TTC28: variants seen among roughly 807,000 people sequenced by gnomAD.
The protein encoded by TTC28 is tetratricopeptide repeat protein 28.
Under a neutral mutation model 198.0 loss-of-function variants are expected in TTC28, and 61 were observed. The ratio of observed to expected loss-of-function variants is 0.31; its 90% CI spans 0.25 to 0.38. The LOEUF (loss-of-function observed/expected upper bound fraction) is 0.38, where lower values mean the gene tolerates loss of function less well. TTC28 is among the 10% of genes least tolerant of loss of function. The probability of loss-of-function intolerance (pLI) is 1.00; values close to 1 mark genes in which losing one functional copy is unlikely to be tolerated. For synonymous variants in TTC28, 1,171 were observed against 1,297.8 expected (o/e 0.90, Z 2.10); for missense variants, 2,678 against 3,164.0 (o/e 0.85, Z 3.69).
chr22:28,466,997 C>A (rs2048031031), intron 2 of TTC28, among the ~76,000 whole-genome samples: 2 of 152,006 alleles, frequency 1.3e-5, no homozygotes, highest in South Asian at 4.1e-4. Context: ...GAATTAGAAC[C>A]CCCATCCAAA....
chr22:28,456,670 GA>G (rs1199990384), intron 2 of TTC28, among the ~76,000 whole-genome samples: 4 of 152,262 alleles, frequency 2.6e-5, no homozygotes, highest in Admixed American at 6.5e-5. Context: ...CCACCCCCAG[GA>G]TTCAAGCGAT....
chr22:28,346,447 G>GCTAA (rs2145919780), intron 2 of TTC28, among the ~76,000 whole-genome samples: 1 of 152,274 alleles, frequency 6.6e-6, no homozygotes, highest in African/African-American at 2.4e-5. Context: ...AATTCCGAAA[G>GCTAA]CTAAGACAGG....
intron 8 of TTC28, among the ~76,000 whole-genome samples, chr22:28,103,698 C>T (rs1458615614): frequency 6.6e-6 from 1 of 152,066 alleles, no homozygotes; most frequent in Non-Finnish European, 1.5e-5. Flanking sequence ...TAGATCTCTG[C>T]AAGACTTAAA....
At chr22:28,441,260 T>TTA (rs2047616973) in intron 2 of TTC28, among the ~76,000 whole-genome samples, 2 of 152,224 alleles carry the variant, frequency 1.3e-5, no homozygotes, top group South Asian at 4.1e-4. Flanking sequence ...TTTATGAATG[T>TTA]AGAGTTTGCA....
chr22:28,461,475 C>T (rs2047949734), intron 2 of TTC28, among the ~76,000 whole-genome samples: 1 of 151,946 alleles, frequency 6.6e-6, no homozygotes, highest in African/African-American at 2.4e-5. Context: ...CTCACTCTGC[C>T]GCCCAGGCTG....
chr22:28,329,527 A>C (rs1049942841), intron 2 of TTC28, among the ~76,000 whole-genome samples: 8 of 152,310 alleles, frequency 5.3e-5, no homozygotes, highest in African/African-American at 1.9e-4. Context: ...TTTATTTTAC[A>C]AAAATAAGGT....
At chr22:28,225,739 A>G (rs543264050) in intron 5 of TTC28, among the ~76,000 whole-genome samples, 16 of 152,296 alleles carry the variant, frequency 1.1e-4, no homozygotes, top group South Asian at 1.0e-3. Flanking sequence ...TATCCCATCC[A>G]CCAACCAAAA....
chr22:28,540,884 T>C (rs1039564139), intron 2 of TTC28, among the ~76,000 whole-genome samples: 3 of 152,164 alleles, frequency 2.0e-5, no homozygotes, highest in East Asian at 1.9e-4. Context: ...ACAGGTAAAA[T>C]TGAATCTTTC....
chr22:28,017,276 A>G (rs1938413178), intron 13 of TTC28, among the ~76,000 whole-genome samples: 2 of 152,226 alleles, frequency 1.3e-5, no homozygotes, highest in African/African-American at 4.8e-5. Context: ...TGAGTGCCAG[A>G]GGCATCTAAG....
At chr22:28,103,703 C>T (rs1381563265) in intron 8 of TTC28, among the ~76,000 whole-genome samples, 1 of 152,122 alleles carries the variant, frequency 6.6e-6, no homozygotes, top group Non-Finnish European at 1.5e-5. Context: ...CTCTGCAAGA[C>T]TTAAAAAATT....
intron 2 of TTC28, among the ~76,000 whole-genome samples, chr22:28,382,689 T>C (rs757745886): frequency 6.6e-6 from 1 of 152,086 alleles, no homozygotes; most frequent in Non-Finnish European, 1.5e-5. Flanking sequence ...CTAGACCAAA[T>C]TGACATCCAA....
Position 28,108,165 on chromosome 22 carries a change from A to G in TTC28, c.1680T>C (p.Leu560=), listed in dbSNP as rs1942378673. The G allele has an allele frequency of 1.3e-6, 2 of 1,551,694 alleles. No individual in the cohort carries two copies. Among genetic ancestry groups the G allele is most frequent in the Non-Finnish European group, 1.7e-6 (2 of 1,146,964 alleles). Residue 560 remains leucine (L), a synonymous_variant, in exon 7 of 23, where the codon CTT becomes CTC. Coordinates refer to ENST00000397906, the MANE Select transcript of TTC28 (RefSeq NM_001145418.2). The part of the protein sequence containing the change: ...RASQASTHGN[L]AVAYQALGAH... ...CACCCAGGGCCTGGTAGGCCACGGC[A>G]AGGTTCCCATGTGTGGAGGCCTGTG...
intron 12 of TTC28, among the ~76,000 whole-genome samples, chr22:28,086,734 T>C (rs1333682858): frequency 2.0e-5 from 3 of 152,106 alleles, no homozygotes; most frequent in African/African-American, 4.8e-5. Context: ...AGCTGGTTTT[T>C]TGAAAGGATC....
At chr22:28,604,114 C>T (rs1195758716) in intron 2 of TTC28, among the ~76,000 whole-genome samples, 1 of 151,184 alleles carries the variant, frequency 6.6e-6, no homozygotes, top group Non-Finnish European at 1.5e-5. Flanking sequence ...CCCATCTCTA[C>T]TAAAAATACA....
intron 12 of TTC28, among the ~76,000 whole-genome samples, chr22:28,071,631 C>G (rs949280356): frequency 1.4e-5 from 2 of 143,656 alleles, no homozygotes; most frequent in African/African-American, 2.6e-5. Flanking sequence ...ATACCTAAGG[C>G]TAGATGACGA....
rs560231373 is a variant in TTC28 at position 28,436,535 on chromosome 22, C to A, written c.382-129892G>T. Among the ~76,000 whole-genome samples, 3 of 152,172 alleles carry A rather than the reference C, an allele frequency of 2.0e-5. No homozygotes were observed. The East Asian group carries it at 5.8e-4, about 29-fold the overall frequency. ...AGTATAACCAGTAACAAAAGGAAGG[C>A]AAGTTAAGAAGAACATGAGGAGAAG... On this transcript the variant is annotated intron_variant, in intron 2 of 22. Transcript: ENST00000397906.
intron 2 of TTC28, among the ~76,000 whole-genome samples, chr22:28,430,615 G>A (rs1421314408): frequency 6.6e-6 from 1 of 152,036 alleles, no homozygotes; most frequent in Non-Finnish European, 1.5e-5. Context: ...GATATGCATG[G>A]GGCAATCATG....
chr22:28,087,590 G>A (rs1941654615), intron 12 of TTC28, among the ~76,000 whole-genome samples: 1 of 152,128 alleles, frequency 6.6e-6, no homozygotes, highest in African/African-American at 2.4e-5. Flanking sequence ...CATTCCCTTT[G>A]AAAACTGGCA....
intron 2 of TTC28, among the ~76,000 whole-genome samples, chr22:28,559,035 C>CAA (rs566036315): frequency 3.0e-5 from 4 of 134,698 alleles, no homozygotes; most frequent in Non-Finnish European, 4.8e-5. Flanking sequence ...GACTCCATCT[C>CAA]AAAAAAAAAA....
Sources: allele counts gnomAD v4.1 joint callset (sites outside exome capture counted in the v4.1 genomes callset), GRCh38; gene constraint gnomAD v4.1.1; transcripts MANE v1.5; gene names NCBI Gene and HGNC (gene_info 2026-07-23, HGNC 2026-07-21).